The following LAMC2 variants were observed in gnomAD, a reference collection of about 807,000 sequenced individuals.
LAMC2 encodes laminin subunit gamma-2.
Under a neutral mutation model 140.2 loss-of-function variants are expected in LAMC2, and 97 were observed. That is an observed-to-expected ratio of 0.69 (90% CI 0.59 to 0.82). The LOEUF (loss-of-function observed/expected upper bound fraction) is 0.82. Ranked by LOEUF, LAMC2 falls within the 40% of genes least tolerant of loss-of-function variation. LAMC2 has a pLI of 0.00. For synonymous variants in LAMC2, 513 were observed against 540.2 expected (o/e 0.95, Z 0.70); for missense variants, 1,402 against 1,476.1 (o/e 0.95, Z 0.82).
chr1:183,207,418 G>A (rs1377585436), intron 1 of LAMC2, among the ~76,000 whole-genome samples: 1 of 152,136 alleles, frequency 6.6e-6, no homozygotes, highest in Non-Finnish European at 1.5e-5. Context: ...TGGGATGGGT[G>A]TTGTGTATCT....
At chr1:183,253,605 C>T in the LAMC2 span, among the ~76,000 whole-genome samples, 1 of 152,100 alleles carries the variant, frequency 6.6e-6, no homozygotes, top group Non-Finnish European at 1.5e-5. Flanking sequence ...CCACACTTGA[C>T]CCTGGTAATC....
At chr1:183,207,046 T>A (rs1249209437) in intron 1 of LAMC2, among the ~76,000 whole-genome samples, 1 of 152,208 alleles carries the variant, frequency 6.6e-6, no homozygotes, top group Admixed American at 6.5e-5. Flanking sequence ...GATAATGCAG[T>A]CTGTATGGAA....
chr1:183,227,612 A>C lies in LAMC2; in HGVS notation c.1383A>C (p.Pro461=), dbSNP rs773111244. ...NDPHDPRSCK[P]CPCHNGFSCS... Reference sequence around the variant, plus strand: ...CGCACGACCCCCGCAGCTGCAAGCCATGTCCCTGTCATAACGGGTTCAGCT... The same window carrying C: ...CGCACGACCCCCGCAGCTGCAAGCCCTGTCCCTGTCATAACGGGTTCAGCT... The change falls in exon 10 of 23, where the codon CCA becomes CCC. Residue 461 remains proline (P), a synonymous_variant. Transcript: ENST00000264144. The C allele has an allele frequency of 3.1e-6, 5 of 1,614,192 alleles. No individual in the cohort carries two copies. The East Asian group carries it at 6.7e-5, about 22-fold the overall frequency.
chr1:183,230,604 C>T (rs980255510), intron 11 of LAMC2, among the ~76,000 whole-genome samples: 11 of 152,276 alleles, frequency 7.2e-5, no homozygotes, highest in African/African-American at 2.6e-4. Context: ...TCCCTGAGCT[C>T]ACATTCCTCA....
chr1:183,234,010 C>G (rs537482189), intron 14 of LAMC2, among the ~76,000 whole-genome samples: 2 of 151,884 alleles, frequency 1.3e-5, no homozygotes, highest in East Asian at 3.9e-4. Context: ...CCTCAGCCTC[C>G]CAAGTAGCTG....
At chr1:183,253,377 A>G in the LAMC2 span, among the ~76,000 whole-genome samples, 1 of 150,184 alleles carries the variant, frequency 6.7e-6, no homozygotes, top group Non-Finnish European at 1.5e-5. Context: ...ACTGTAGTGG[A>G]CCAAATTAAT....
intron 19 of LAMC2, 113 bp from the exon 20 acceptor site, chr1:183,239,251 C>G (rs1660054097): frequency 1.1e-6 from 1 of 943,500 alleles, no homozygotes; most frequent in East Asian, 2.4e-5. Flanking sequence ...CACCGTCATC[C>G]CCAGTCAGTA....
chr1:183,238,448 TG>T, intron 19 of LAMC2, 27 bp downstream of exon 19: 2 of 1,497,614 alleles, frequency 1.3e-6, no homozygotes, highest in Non-Finnish European at 1.9e-6. Flanking sequence ...TCAGGTCACT[TG>T]AGTATTTTAA....
At chr1:183,230,824 T>C in intron 11 of LAMC2, 137 bp from the exon 12 acceptor site, 1 of 966,306 alleles carries the variant, frequency 1.0e-6, no homozygotes, top group Non-Finnish European at 1.6e-6. Context: ...CTAAGACCTA[T>C]CTGTATTAAG....
rs761475328 is a variant in LAMC2 at position 183,225,663 on chromosome 1, C to T, written c.1009C>T (p.Arg337Ter). ...WSPQLSYFEY[R>*]RLLRNLTALR... ...CCCCCAGCTGAGTTACTTTGAGTAT[C>T]GAAGGTTACTGCGGAATCTCACAGC... The change falls in exon 8 of 23, where the codon CGA (arginine) becomes TGA (stop). Residue 337 changes from arginine (R) to a stop codon, truncating the protein, a stop_gained. Coordinates refer to ENST00000264144, the MANE Select transcript of LAMC2 (RefSeq NM_005562.3). LOFTEE classifies it high-confidence loss of function. 8.7e-6 allele frequency: 14 copies of T among 1,613,992 alleles called. No homozygotes were observed. The highest frequency in any genetic ancestry group is 1.1e-5 in the Non-Finnish European group (13 of 1,179,898).
chr1:183,217,996 T>C (rs899646433), intron 3 of LAMC2, among the ~76,000 whole-genome samples: 2 of 152,250 alleles, frequency 1.3e-5, no homozygotes, highest in Non-Finnish European at 2.9e-5. Context: ...TTAATCATGA[T>C]AAAAAGCAGA....
the LAMC2 span, among the ~76,000 whole-genome samples, chr1:183,258,151 G>C: frequency 3.9e-5 from 6 of 152,202 alleles, no homozygotes; most frequent in Non-Finnish European, 7.3e-5. Flanking sequence ...AAGGACTCCA[G>C]TGACACATTT....
chr1:183,207,860 T>C, intron 1 of LAMC2, 21 bp from the exon 2 acceptor site: 1 of 1,578,496 alleles, frequency 6.3e-7, no homozygotes, highest in Non-Finnish European at 8.7e-7. Context: ...TGACGATCTC[T>C]TTTGTATGCT....
chr1:183,240,451 C>T (rs888111654), intron 22 of LAMC2, 60 bp downstream of exon 22: 4 of 1,606,250 alleles, frequency 2.5e-6, no homozygotes, highest in South Asian at 1.1e-5. Context: ...TGCTCCAGAA[C>T]ACTCACTATA....
intron 4 of LAMC2, among the ~76,000 whole-genome samples, 171 bp from the exon 5 acceptor site, chr1:183,220,654 C>T (rs1187886681): frequency 2.1e-4 from 32 of 151,694 alleles, no homozygotes; most frequent in Non-Finnish European, 1.5e-5. Flanking sequence ...TCGTGATTGT[C>T]CATCTGGTGG....
At chr1:183,242,920 G>C (rs942257883) in intron 22 of LAMC2, among the ~76,000 whole-genome samples, 1 of 151,644 alleles carries the variant, frequency 6.6e-6, no homozygotes, top group African/African-American at 2.4e-5. Context: ...GAACTAGATA[G>C]CTCAGAGTCT....
At chr1:183,199,302 C>G (rs989508363) in intron 1 of LAMC2, among the ~76,000 whole-genome samples, 1 of 151,930 alleles carries the variant, frequency 6.6e-6, no homozygotes, top group Non-Finnish European at 1.5e-5. Context: ...TGGGGTTTCA[C>G]TATGTTGGCC....
chr1:183,252,222 C>A, the LAMC2 span: 1 of 170,626 alleles, frequency 5.9e-6, no homozygotes, highest in Non-Finnish European at 1.2e-5. Context: ...AGAGCCAGAG[C>A]CGCCTCCCCA....
intron 1 of LAMC2, among the ~76,000 whole-genome samples, chr1:183,188,162 CT>C (rs1658212401): frequency 1.3e-5 from 2 of 152,222 alleles, no homozygotes; most frequent in African/African-American, 4.8e-5. Flanking sequence ...CTCATTGCCA[CT>C]TTCCCCTTCC....
Sources: gnomAD v4.1 joint callset for allele counts (sites outside exome capture counted in the v4.1 genomes callset) on GRCh38, gnomAD v4.1.1 for gene constraint, MANE v1.5 for transcripts, NCBI Gene and HGNC (gene_info 2026-07-23, HGNC 2026-07-21) for gene names.